LHFPL2: variants seen among roughly 807,000 people sequenced by gnomAD.
The protein encoded by LHFPL2 is LHFPL tetraspan subfamily member 2, also known as LHFPL tetraspan subfamily member 2 protein.
In LHFPL2, 7 loss-of-function variants were observed where a neutral mutation model predicts 17.5. The ratio of observed to expected loss-of-function variants is 0.40; its 90% confidence interval spans 0.23 to 0.75. LHFPL2 has a LOEUF of 0.75. Among genes scored for constraint, LHFPL2 ranks in the 30% least tolerant of loss-of-function variants. LHFPL2 has a pLI of 0.37. For synonymous variants in LHFPL2, 134 were observed against 116.2 expected, an observed-to-expected ratio of 1.15 and a Z score of -0.99; for missense variants, 241 against 294.8, an observed-to-expected ratio of 0.82 and a Z score of 1.34.
chr5:78,534,448 C>T lies in LHFPL2; in HGVS notation c.-185-24050G>A, dbSNP rs548055141. 2.6e-5 allele frequency among the ~76,000 whole-genome samples: 4 copies of T among 152,308 alleles called. No individual in the cohort carries two copies. In the South Asian group the frequency reaches 8.3e-4, roughly 32 times the overall value. Reference sequence around the variant, plus strand: ...AAGGACAGGGCTGTGAGCAAGGGAGCGGCTGCAGGACCCTCACAGCACCCG... The same window carrying T: ...AAGGACAGGGCTGTGAGCAAGGGAGTGGCTGCAGGACCCTCACAGCACCCG... On this transcript the variant is annotated intron_variant, in intron 3 of 4. Transcript: ENST00000380345.
intron 4 of LHFPL2, among the ~76,000 whole-genome samples, chr5:78,490,005 C>CTGAT (rs1754384574): frequency 1.3e-5 from 2 of 152,192 alleles, no homozygotes; most frequent in Admixed American, 1.3e-4. Context: ...AGGTCTTTAC[C>CTGAT]TGATTGTTAG....
In LHFPL2 at chr5:78,509,776, C is replaced by T. The variant is rs1755047068; in HGVS notation, c.430+8G>A. ...CATCCCACCGTGCCCGGGGTCCTGC[C>T]TTCTTACCTGCAATTCCTTGCAACA... On this transcript the variant is annotated splice_region_variant and intron_variant, in intron 4 of 4. Coordinates refer to ENST00000380345, the MANE Select transcript of LHFPL2 (RefSeq NM_005779.3). 6.2e-7 allele frequency: 1 copy of T among 1,605,690 alleles called. No individual in the cohort carries two copies. Among genetic ancestry groups the T allele is most frequent in the Non-Finnish European group, 8.5e-7 (1 of 1,173,312 alleles).
chr5:78,593,411 C>G (rs753207738), intron 2 of LHFPL2, among the ~76,000 whole-genome samples: 3 of 152,122 alleles, frequency 2.0e-5, no homozygotes, highest in Non-Finnish European at 2.9e-5. Flanking sequence ...AGCCTGGGGA[C>G]TTAAAGGCCC....
intron 2 of LHFPL2, among the ~76,000 whole-genome samples, chr5:78,594,855 C>T (rs1197713673): frequency 1.3e-5 from 2 of 152,152 alleles, no homozygotes; most frequent in Admixed American, 1.3e-4. Flanking sequence ...TGGACATAGC[C>T]GCCAACGACC....
chr5:78,528,718 T>G (rs1474812513), intron 3 of LHFPL2, among the ~76,000 whole-genome samples: 1 of 152,134 alleles, frequency 6.6e-6, no homozygotes, highest in African/African-American at 2.4e-5. Context: ...CACCACCCCT[T>G]AACTCCCTCA....
intron 3 of LHFPL2, among the ~76,000 whole-genome samples, chr5:78,564,531 G>A (rs1274629485): frequency 6.6e-6 from 1 of 152,158 alleles, no homozygotes; most frequent in South Asian, 2.1e-4. Context: ...ATTATAAAGA[G>A]CTCTGAAACT....
intron 4 of LHFPL2, among the ~76,000 whole-genome samples, chr5:78,498,122 G>C (rs1483857426): frequency 2.6e-5 from 4 of 152,176 alleles, no homozygotes; most frequent in African/African-American, 9.7e-5. Context: ...AAGAGGCAGG[G>C]TGGTAAATAT....
intron 3 of LHFPL2, among the ~76,000 whole-genome samples, chr5:78,528,507 A>T (rs1362542405): frequency 6.6e-6 from 1 of 152,240 alleles, no homozygotes; most frequent in African/African-American, 2.4e-5. Context: ...CATCATACAT[A>T]GAAAAATTGT....
chr5:78,583,085 TCA>T (rs1743210582), intron 2 of LHFPL2, among the ~76,000 whole-genome samples: 1 of 152,152 alleles, frequency 6.6e-6, no homozygotes, highest in Non-Finnish European at 1.5e-5. Flanking sequence ...GTCTGTTTTA[TCA>T]GAGACTAGGA....
At chr5:78,639,000 C>T (rs1745565130) in intron 1 of LHFPL2, among the ~76,000 whole-genome samples, 1 of 152,154 alleles carries the variant, frequency 6.6e-6, no homozygotes, top group Admixed American at 6.5e-5. Flanking sequence ...GTTTTGTTGA[C>T]CAATATGGAT....
chr5:78,510,739 AAGTC>A (rs1392097984), intron 3 of LHFPL2, among the ~76,000 whole-genome samples: 1 of 152,216 alleles, frequency 6.6e-6, no homozygotes, highest in Non-Finnish European at 1.5e-5. Flanking sequence ...TTACTGGAAA[AAGTC>A]AAACAGCACA....
At chr5:78,620,728 T>C (rs978082971) in intron 2 of LHFPL2, among the ~76,000 whole-genome samples, 2 of 152,182 alleles carry the variant, frequency 1.3e-5, no homozygotes, top group African/African-American at 4.8e-5. Flanking sequence ...CAATGCCACA[T>C]GATCAGCGCA....
intron 3 of LHFPL2, among the ~76,000 whole-genome samples, chr5:78,546,313 T>C (rs1756272467): frequency 6.6e-6 from 1 of 152,210 alleles, no homozygotes; most frequent in Non-Finnish European, 1.5e-5. Flanking sequence ...AAAGACACTT[T>C]TCAAAGTAGC....
chr5:78,579,110 A>C (rs1757213230), intron 2 of LHFPL2, among the ~76,000 whole-genome samples: 1 of 152,196 alleles, frequency 6.6e-6, no homozygotes, highest in Non-Finnish European at 1.5e-5. Context: ...TGACTCTGCA[A>C]AAGAAACAGA....
At chr5:78,502,552 C>T (rs984171064) in intron 4 of LHFPL2, among the ~76,000 whole-genome samples, 2 of 152,156 alleles carry the variant, frequency 1.3e-5, no homozygotes, top group Admixed American at 6.5e-5. Context: ...TTATGAAATA[C>T]GTTCTCCATA....
At chr5:78,489,656 C>CACCACGAGTGGCCAACTTGTT (rs1172084026) in intron 4 of LHFPL2, among the ~76,000 whole-genome samples, 1 of 152,214 alleles carries the variant, frequency 6.6e-6, no homozygotes, top group African/African-American at 2.4e-5. Context: ...CCTCGGCCTC[C>CACCACGAGTGGCCAACTTGTT]ACCACGAGTG....
intron 2 of LHFPL2, among the ~76,000 whole-genome samples, chr5:78,621,465 C>T (rs1744851642): frequency 1.3e-5 from 2 of 152,130 alleles, no homozygotes; most frequent in Non-Finnish European, 2.9e-5. Context: ...CTCTCTCTCA[C>T]ACACCCTGCT....
At chr5:78,507,344 AAAG>A in intron 4 of LHFPL2, among the ~76,000 whole-genome samples, 1 of 151,984 alleles carries the variant, frequency 6.6e-6, no homozygotes, top group South Asian at 2.1e-4. Flanking sequence ...AAAAAAAAGA[AAAG>A]AAAAAGAAAA....
intron 2 of LHFPL2, chr5:78,590,031 T>C (rs972947159): frequency 6.6e-6 from 1 of 152,244 alleles, no homozygotes; most frequent in African/African-American, 2.4e-5. Flanking sequence ...TCTATGTAAT[T>C]AGATATCCAT....
Sources: gnomAD v4.1 joint callset for allele counts (sites outside exome capture counted in the v4.1 genomes callset) on GRCh38, gnomAD v4.1.1 for gene constraint, MANE v1.5 for transcripts, NCBI Gene and HGNC (gene_info 2026-07-23, HGNC 2026-07-21) for gene names.